Variants in G3BP2 observed in about 807,000 individuals in gnomAD.
The protein encoded by G3BP2 is ras GTPase-activating protein-binding protein 2.
G3BP2 carries 11 observed loss-of-function variants against 56.7 expected under a neutral mutation model. That is an observed-to-expected ratio of 0.19 (90% confidence interval 0.12 to 0.32). The LOEUF is 0.32. G3BP2 is among the 10% of genes least tolerant of loss of function. The pLI is 1.00. For synonymous variants in G3BP2, 165 were observed against 191.6 expected (o/e 0.86, Z 1.15); for missense variants, 340 against 610.9 (o/e 0.56, Z 4.67).
At chr4:75,664,375 G>A (rs1224898860) in intron 1 of G3BP2, among the ~76,000 whole-genome samples, 1 of 151,480 alleles carries the variant, frequency 6.6e-6, no homozygotes, top group Non-Finnish European at 1.5e-5. Context: ...TCAGGAGTTC[G>A]AGACCAGCCT....
upstream of G3BP2, chr4:75,673,440 T>C: frequency 1.6e-6 from 2 of 1,224,840 alleles, no homozygotes; most frequent in Non-Finnish European, 2.0e-6. Context: ...CGCCCCCTCT[T>C]ATTGTTTTAC....
chr4:75,713,505 G>A (rs1310714256), intron 3 of G3BP2, among the ~76,000 whole-genome samples: 1 of 152,224 alleles, frequency 6.6e-6, no homozygotes, highest in Non-Finnish European at 1.5e-5. Flanking sequence ...ATCACTGGCA[G>A]GGAGTGGTGG....
chr4:75,666,521 A>C (rs1733047022), intron 1 of G3BP2, among the ~76,000 whole-genome samples: 1 of 152,252 alleles, frequency 6.6e-6, no homozygotes, highest in South Asian at 2.1e-4. Flanking sequence ...GAAGTGACTC[A>C]GAATTTAGAG....
chr4:75,658,557 GTC>G (rs1342330846), intron 3 of G3BP2, among the ~76,000 whole-genome samples: 3 of 151,672 alleles, frequency 2.0e-5, no homozygotes, highest in Non-Finnish European at 4.4e-5. Context: ...GAGAAACCCC[GTC>G]TCTACTAAAA....
chr4:75,669,713 A>G (rs1477639384), intron 1 of G3BP2, among the ~76,000 whole-genome samples: 1 of 152,218 alleles, frequency 6.6e-6, no homozygotes, highest in Admixed American at 6.5e-5. Context: ...ATTCATTCCC[A>G]TCCACAAGCT....
intron 2 of G3BP2, 112 bp from the exon 3 acceptor site, chr4:75,659,036 G>A (rs1029862019): frequency 8.5e-6 from 7 of 822,454 alleles, no homozygotes; most frequent in East Asian, 2.5e-5. Context: ...AATTAGTTGC[G>A]TGATCTTGGA....
At chr4:75,720,702 A>T (rs1205434594) in intron 3 of G3BP2, among the ~76,000 whole-genome samples, 1 of 151,476 alleles carries the variant, frequency 6.6e-6, no homozygotes, top group East Asian at 1.9e-4. Flanking sequence ...AGGCTGAGGC[A>T]GGAGAATCGC....
At chr4:75,677,142 G>T (rs532846898), upstream of G3BP2, among the ~76,000 whole-genome samples, 25 of 152,254 alleles carry the variant, frequency 1.6e-4, no homozygotes, top group African/African-American at 5.8e-4. Context: ...ATAAGTATTT[G>T]AATAAGATAA....
rs1214687270 is a variant in G3BP2, at chr4:75,673,342, A to G, written c.-159T>C. The stretch of plus-strand genomic sequence containing the variant: ...AAGCCTCGGAAGCCGGAGAGCCGCG[A>G]GTTCGTCTGCCTCACAACCACCTCT... On this transcript the variant is annotated 5_prime_UTR_variant, in exon 1 of 12. Transcript: ENST00000359707. 4 of 1,230,638 alleles carry G rather than the reference A, an allele frequency of 3.3e-6. No homozygotes were observed. Among genetic ancestry groups the G allele is most frequent in the Non-Finnish European group, 4.1e-6 (4 of 987,196 alleles). The allele number at this position is 1,230,638 out of a possible 1,614,324, so 76.2% of individuals were successfully genotyped here.
At chr4:75,686,315 A>G (rs978532114) in intron 3 of G3BP2, among the ~76,000 whole-genome samples, 2 of 152,164 alleles carry the variant, frequency 1.3e-5, no homozygotes, top group African/African-American at 2.4e-5. Flanking sequence ...AATGGAAGAG[A>G]CACAGGCAAA....
At position 75,661,981 on chromosome 4, in the gene G3BP2, A is replaced by G. The variant is rs184265520; in HGVS notation, c.45T>C (p.Phe15=). 82 of 1,611,506 alleles carry G rather than the reference A, an allele frequency of 5.1e-5. No homozygotes were observed. The Admixed American group carries it at 1.4e-3, about 27-fold the overall frequency. The part of the protein sequence containing the change: ...KPSPLLVGRE[F]VRQYYTLLNK... The stretch of plus-strand genomic sequence containing the variant: ...TCAGCAAAGTATAATATTGCCTCAC[A>G]AACTCCCGCCCTACAAGCAGCGGAC... The change falls in exon 2 of 12, where the codon TTT becomes TTC. Residue 15 remains phenylalanine (F), a synonymous_variant. Coordinates refer to ENST00000359707, the MANE Select transcript of G3BP2 (RefSeq NM_203505.3).
chr4:75,672,722 C>G (rs939384001), intron 1 of G3BP2: 1 of 152,282 alleles, frequency 6.6e-6, no homozygotes, highest in Non-Finnish European at 1.5e-5. Context: ...CCCCTCCCCC[C>G]ACGGGCGGGG....
chr4:75,695,150 CAA>C (rs1719049971), intron 3 of G3BP2, among the ~76,000 whole-genome samples: 1 of 152,006 alleles, frequency 6.6e-6, no homozygotes, highest in Non-Finnish European at 1.5e-5. Flanking sequence ...AGGGCCTAAA[CAA>C]AAAAGGCATC....
intron 3 of G3BP2, among the ~76,000 whole-genome samples, chr4:75,699,142 C>T (rs1719232829): frequency 6.6e-6 from 1 of 152,142 alleles, no homozygotes; most frequent in South Asian, 2.1e-4. Context: ...TGTAGTTCTC[C>T]ATCATTGTGA....
chr4:75,674,710 ATATATATATTTTTTTT>A (rs1478234323), upstream of G3BP2, among the ~76,000 whole-genome samples: 60 of 47,864 alleles, frequency 1.3e-3, no homozygotes, highest in African/African-American at 3.6e-3. Context: ...ATATATATAT[ATATATATATTTTTTTT>A]TTTTTTTTTT....
chr4:75,650,587 C>T (rs930415169), intron 8 of G3BP2, among the ~76,000 whole-genome samples: 9 of 152,160 alleles, frequency 5.9e-5, no homozygotes, highest in African/African-American at 2.2e-4. Flanking sequence ...TGTCCTATTT[C>T]CCTCAAGATG....
At chr4:75,674,718 ATTTTTTTTTT>A (rs71203842), upstream of G3BP2, among the ~76,000 whole-genome samples, 19 of 71,412 alleles carry the variant, frequency 2.7e-4, no homozygotes, top group South Asian at 1.7e-3. Context: ...ATATATATAT[ATTTTTTTTTT>A]TTTTTTTTTT....
At position 75,713,318 on chromosome 4, in the gene G3BP2, G is replaced by C. The variant is rs1719821917; in HGVS notation, c.-25+7559C>G. On this transcript the variant is annotated intron_variant, in intron 3 of 3. Coordinates refer to the G3BP2 transcript ENST00000499709. ...AGACTGGCAACCACCAATGATTCAG[G>C]CAAGAATATGAAAGGATGCTAAAAT... Among the ~76,000 whole-genome samples the C allele has an allele frequency of 2.0e-5, 3 of 152,156 alleles. No individual in the cohort carries two copies. In the South Asian group the frequency reaches 6.2e-4, roughly 32 times the overall value.
Position 75,653,991 on chromosome 4 carries a change from C to A in G3BP2, c.817G>T (p.Val273Phe). ...GTTCACAGATTGGTTACCTGTGAGA[C>A]TGGTGCTTTAACATGGGGTGGAATT... ...SGIPPHVKAP[V>F]SQPRVEAKPE... The change falls in exon 8 of 12, where the codon GTC (valine) becomes TTC (phenylalanine). Residue 273 changes from valine (V) to phenylalanine (F), a missense_variant. Transcript: ENST00000359707. 1 of 1,495,126 alleles carries A rather than the reference C, an allele frequency of 6.7e-7. No homozygotes were observed. Among genetic ancestry groups the A allele is most frequent in the Non-Finnish European group, 9.3e-7 (1 of 1,071,808 alleles). 92.6% of individuals were successfully genotyped at this position (1,495,126 alleles called of 1,614,324 possible). A position where few individuals can be genotyped will look rare whatever the true frequency, so the allele number is the denominator to read the frequency against.
Sources: allele counts gnomAD v4.1 joint callset (sites outside exome capture counted in the v4.1 genomes callset), GRCh38; gene constraint gnomAD v4.1.1; transcripts MANE v1.5; gene names NCBI Gene and HGNC (gene_info 2026-07-23, HGNC 2026-07-21).